BCAT1: variants seen among roughly 807,000 people sequenced by gnomAD.
BCAT1 encodes the protein branched-chain-amino-acid aminotransferase, cytosolic.
A neutral mutation model predicts 52.4 loss-of-function variants in BCAT1; 48 were observed. That is an observed-to-expected ratio of 0.92 (90% CI 0.73 to 1.16). BCAT1 has a LOEUF of 1.16. Among genes scored for constraint, BCAT1 ranks in the 50% most tolerant of loss-of-function variants. The pLI is 0.00. For synonymous variants in BCAT1, 167 were observed against 161.3 expected (o/e 1.04, Z -0.27); for missense variants, 451 against 457.1 (o/e 0.99, Z 0.12).
At chr12:24,852,003 A>C (rs1941529636) in intron 5 of BCAT1, among the ~76,000 whole-genome samples, 1 of 152,082 alleles carries the variant, frequency 6.6e-6, no homozygotes, top group Non-Finnish European at 1.5e-5. Context: ...GTGTGAGATG[A>C]TAGGATCGTG....
chr12:24,913,995 T>C (rs1422910215), intron 1 of BCAT1, among the ~76,000 whole-genome samples: 3 of 151,982 alleles, frequency 2.0e-5, no homozygotes, highest in Non-Finnish European at 4.4e-5. Context: ...GTAGTCTTGA[T>C]GGCTAGCCTC....
intron 9 of BCAT1, chr12:24,830,190 A>G (rs1940596712): frequency 3.8e-6 from 1 of 266,624 alleles, no homozygotes; most frequent in African/African-American, 2.2e-5. Context: ...AGGAGGAGCT[A>G]CAGTTACCTA....
chr12:24,945,085 A>G (rs759103336), intron 1 of BCAT1, among the ~76,000 whole-genome samples: 6 of 152,194 alleles, frequency 3.9e-5, no homozygotes, highest in Non-Finnish European at 7.3e-5. Context: ...TGAGTACTCA[A>G]TTTTTAGGGG....
chr12:24,889,451 C>A (rs983098183), intron 3 of BCAT1, among the ~76,000 whole-genome samples: 7 of 152,240 alleles, frequency 4.6e-5, no homozygotes, highest in East Asian at 1.9e-4. Context: ...CTTCCAGAAC[C>A]CTGACCTTCC....
At chr12:24,857,374 T>C (rs1244450939) in intron 5 of BCAT1, among the ~76,000 whole-genome samples, 1 of 152,206 alleles carries the variant, frequency 6.6e-6, no homozygotes, top group African/African-American at 2.4e-5. Flanking sequence ...GAGGTTACTT[T>C]TGGTAAAGTT....
intron 2 of BCAT1, among the ~76,000 whole-genome samples, chr12:24,898,540 T>TTTTTTTTA (rs1943014681): frequency 7.2e-6 from 1 of 139,194 alleles, no homozygotes; most frequent in East Asian, 2.1e-4. Context: ...TTTTTTTTTT[T>TTTTTTTTA]TTTTTTGCTC....
In BCAT1 at chr12:24,815,082, CAAAG is replaced by C. The variant is rs1165605747; in HGVS notation, c.*2922_*2925del. 1 of 152,132 alleles carries C rather than the reference CAAAG, an allele frequency of 6.6e-6. No homozygotes were observed. The highest frequency in any genetic ancestry group is 2.4e-5 in the African/African-American group (1 of 41,422). 9.4% of individuals were successfully genotyped at this position (152,132 alleles called of 1,614,324 possible). Reference sequence around the variant, plus strand: ...TTGAATCCTTAATAAATGACTGCCACAAAGAAAATTTCTAACAGCAAATCTTTTT... The same window carrying C: ...TTGAATCCTTAATAAATGACTGCCACAAAATTTCTAACAGCAAATCTTTTT... On this transcript the variant is annotated 3_prime_UTR_variant, in exon 11 of 11. Transcript: ENST00000261192.
intron 8 of BCAT1, among the ~76,000 whole-genome samples, chr12:24,835,561 T>G: frequency 1.2e-5 from 1 of 85,814 alleles, no homozygotes; most frequent in South Asian, 4.3e-4. Flanking sequence ...TTTTATTTAT[T>G]TATTTATTTA....
intron 7 of BCAT1, among the ~76,000 whole-genome samples, chr12:24,837,348 T>C (rs1271534136): frequency 6.6e-6 from 1 of 151,904 alleles, no homozygotes; most frequent in African/African-American, 2.4e-5. Flanking sequence ...CCAAACCTTC[T>C]AAGAATGCTA....
intron 1 of BCAT1, among the ~76,000 whole-genome samples, chr12:24,919,064 A>C (rs1943463048): frequency 6.6e-6 from 1 of 152,240 alleles, no homozygotes; most frequent in Non-Finnish European, 1.5e-5. Flanking sequence ...TTTTGCTTAA[A>C]TTAAAAATTG....
chr12:24,904,978 T>A (rs1221917809), intron 1 of BCAT1, among the ~76,000 whole-genome samples: 5 of 152,204 alleles, frequency 3.3e-5, no homozygotes, highest in Non-Finnish European at 7.3e-5. Context: ...CAAGTGATCC[T>A]TGAGCAGAAA....
intron 2 of BCAT1, among the ~76,000 whole-genome samples, chr12:24,896,546 A>T (rs1049474983): frequency 2.0e-5 from 3 of 152,172 alleles, no homozygotes; most frequent in Admixed American, 2.0e-4. Flanking sequence ...AGGCGGGTGG[A>T]TCACCAAAGG....
At chr12:24,839,936 ATTCTAT>A (rs1366575704) in intron 7 of BCAT1, among the ~76,000 whole-genome samples, 1 of 152,012 alleles carries the variant, frequency 6.6e-6, no homozygotes, top group Admixed American at 6.5e-5. Flanking sequence ...TCAAATATAT[ATTCTAT>A]TTCCTTTCTC....
chr12:24,888,398 C>T (rs1254023361), intron 3 of BCAT1, among the ~76,000 whole-genome samples: 2 of 152,104 alleles, frequency 1.3e-5, no homozygotes, highest in African/African-American at 4.8e-5. Context: ...ACCTGGGAGG[C>T]TGAGGGAGGA....
rs537952303 is a variant in BCAT1 at position 24,923,976 on chromosome 12, AAAC to A, written c.7-22094_7-22092del. 4.1e-3 allele frequency among the ~76,000 whole-genome samples: 626 copies of A among 152,378 alleles called. 2 individuals are homozygous for A. The highest frequency in any genetic ancestry group is 7.2e-3 in the Non-Finnish European group (488 of 68,040). ...ATAAGGATTTATTAAAAATCAAACA[AAAC>A]AAAACAATACAAGTTGATTTTTCAC... is the stretch of plus-strand genomic sequence containing the variant. On this transcript the variant is annotated intron_variant, in intron 1 of 10. Transcript: ENST00000261192.
At chr12:24,915,867 C>G (rs1943398288) in intron 1 of BCAT1, among the ~76,000 whole-genome samples, 2 of 152,150 alleles carry the variant, frequency 1.3e-5, no homozygotes, top group Admixed American at 1.3e-4. Flanking sequence ...ACTTTTGAAA[C>G]CTCTCAAGGG....
chr12:24,850,276 A>G (rs1367174339), intron 5 of BCAT1, among the ~76,000 whole-genome samples: 1 of 152,214 alleles, frequency 6.6e-6, no homozygotes, highest in Non-Finnish European at 1.5e-5. Flanking sequence ...TCAAGGTTGC[A>G]TGATTGGGAA....
intron 5 of BCAT1, among the ~76,000 whole-genome samples, chr12:24,855,718 A>G (rs1289265767): frequency 6.6e-6 from 1 of 152,166 alleles, no homozygotes; most frequent in Non-Finnish European, 1.5e-5. Context: ...AGAAGTCTGG[A>G]GGAAGTCCGC....
intron 1 of BCAT1, among the ~76,000 whole-genome samples, chr12:24,928,704 TTTGTTGTTGTTGTTGTTGTTGTTGTTG>T (rs71063374): frequency 6.2e-5 from 9 of 144,090 alleles, no homozygotes; most frequent in Non-Finnish European, 9.0e-5. Context: ...GTGTGAAATG[TTTGTTGTTGTTGTTGTTGTTGTTGTTG>T]TTGTTGTTGT....
Sources: gnomAD v4.1 joint callset for allele counts (sites outside exome capture counted in the v4.1 genomes callset) on GRCh38, gnomAD v4.1.1 for gene constraint, MANE v1.5 for transcripts, NCBI Gene and HGNC (gene_info 2026-07-23, HGNC 2026-07-21) for gene names.